Variants in TRABD2B observed in about 807,000 individuals in gnomAD.
The protein encoded by TRABD2B is metalloprotease TIKI2.
A neutral mutation model predicts 40.1 loss-of-function variants in TRABD2B; 14 were observed. That is an observed-to-expected ratio of 0.35 (90% CI 0.23 to 0.55). The LOEUF is 0.55. Ranked by LOEUF, TRABD2B falls within the 20% of genes least tolerant of loss-of-function variation. The pLI is 0.90. For missense variants in TRABD2B, 541 were observed against 648.6 expected (o/e 0.83, Z 1.80); for synonymous variants, 263 against 277.0 (o/e 0.95, Z 0.50).
chr1:47,966,626 C>T (rs1454682119), intron 2 of TRABD2B, among the ~76,000 whole-genome samples: 1 of 152,104 alleles, frequency 6.6e-6, no homozygotes, highest in African/African-American at 2.4e-5. Context: ...TCAGGTTGGC[C>T]TGGTGCAGTG....
chr1:47,849,899 C>G (rs770892356), intron 2 of TRABD2B, among the ~76,000 whole-genome samples: 2 of 152,194 alleles, frequency 1.3e-5, no homozygotes, highest in South Asian at 4.1e-4. Flanking sequence ...CCTGATGGGA[C>G]ATTTGGCTTA....
chr1:47,788,567 T>C (rs536087502), intron 4 of TRABD2B, among the ~76,000 whole-genome samples: 7 of 152,094 alleles, frequency 4.6e-5, no homozygotes, highest in Non-Finnish European at 7.3e-5. Flanking sequence ...CTGCGAAGAG[T>C]GATTTCCATT....
chr1:47,951,152 C>T (rs1216844583), intron 2 of TRABD2B, among the ~76,000 whole-genome samples: 1 of 152,202 alleles, frequency 6.6e-6, no homozygotes, highest in Non-Finnish European at 1.5e-5. Flanking sequence ...TCCCCAGCGC[C>T]AAGCCAAGCG....
chr1:47,997,250 A>AAGGCGCGGC lies in TRABD2B; in HGVS notation c.-470_-462dup. On this transcript the variant is annotated 5_prime_UTR_variant, in exon 1 of 7. Coordinates refer to ENST00000606738, the MANE Select transcript of TRABD2B (RefSeq NM_001194986.2). ...GCGCGCAGTGGGACAAGTGCGGCGG[A>AAGGCGCGGC]AGGCGCGGCAGGGGTGGGGGGCGGC... is the stretch of plus-strand genomic sequence containing the variant. 1.0e-6 allele frequency: 1 copy of AAGGCGCGGC among 980,150 alleles called. No homozygotes were observed. 60.7% of individuals were successfully genotyped at this position (980,150 alleles called of 1,614,324 possible). A position where few individuals can be genotyped will look rare whatever the true frequency, so the allele number is the denominator to read the frequency against.
chr1:47,997,161 TC>T lies in TRABD2B; in HGVS notation c.-373del. On this transcript the variant is annotated 5_prime_UTR_variant, in exon 1 of 7. Coordinates refer to ENST00000606738, the MANE Select transcript of TRABD2B (RefSeq NM_001194986.2). Reference sequence around the variant, plus strand: ...ACCGAGAACCCGGGGTGCGCAAGGGTCCCGGGGTTATGCTGGGCACCCGGGG... The same window carrying T: ...ACCGAGAACCCGGGGTGCGCAAGGGTCCGGGGTTATGCTGGGCACCCGGGG... The T allele has an allele frequency of 5.1e-6, 5 of 980,504 alleles. No homozygotes were observed. In the South Asian group the frequency reaches 1.9e-4, roughly 37 times the overall value. 60.7% of individuals were successfully genotyped at this position (980,504 alleles called of 1,614,324 possible).
intron 4 of TRABD2B, among the ~76,000 whole-genome samples, chr1:47,785,641 G>A (rs186351490): frequency 6.6e-6 from 1 of 152,338 alleles, no homozygotes; most frequent in East Asian, 1.9e-4. Context: ...CATGGCACGG[G>A]GTGCATCCAT....
intron 2 of TRABD2B, among the ~76,000 whole-genome samples, chr1:47,965,438 G>A (rs539452951): frequency 1.3e-4 from 20 of 151,382 alleles, no homozygotes; most frequent in Non-Finnish European, 2.5e-4. Flanking sequence ...GTGCACTCCT[G>A]TGGATGAAGC....
At chr1:47,825,180 G>T (rs964177200) in intron 2 of TRABD2B, among the ~76,000 whole-genome samples, 2 of 152,124 alleles carry the variant, frequency 1.3e-5, no homozygotes, top group African/African-American at 2.4e-5. Flanking sequence ...TCCAAATCTG[G>T]GGTCTCAATA....
intron 2 of TRABD2B, among the ~76,000 whole-genome samples, chr1:47,829,554 C>T (rs1163614542): frequency 6.6e-6 from 1 of 152,110 alleles, no homozygotes; most frequent in Admixed American, 6.5e-5. Context: ...CATCACCACT[C>T]CCTGCCAGAT....
intron 4 of TRABD2B, among the ~76,000 whole-genome samples, chr1:47,780,547 G>A (rs1051669051): frequency 6.6e-6 from 1 of 152,144 alleles, no homozygotes; most frequent in Non-Finnish European, 1.5e-5. Context: ...AAGTATGATG[G>A]AGAGGGAACT....
chr1:47,802,444 A>T (rs1242497984), intron 2 of TRABD2B, among the ~76,000 whole-genome samples: 1 of 152,184 alleles, frequency 6.6e-6, no homozygotes, highest in African/African-American at 2.4e-5. Flanking sequence ...GACCTGCTCA[A>T]TTCACATAGC....
intron 2 of TRABD2B, among the ~76,000 whole-genome samples, chr1:47,914,893 G>C (rs1205530919): frequency 2.0e-5 from 3 of 152,234 alleles, no homozygotes; most frequent in Non-Finnish European, 2.9e-5. Context: ...GGATGAACCA[G>C]ATAGACACAG....
At chr1:47,803,617 G>C (rs1030745938) in intron 2 of TRABD2B, among the ~76,000 whole-genome samples, 1 of 152,212 alleles carries the variant, frequency 6.6e-6, no homozygotes, top group African/African-American at 2.4e-5. Context: ...ACACAGCATA[G>C]TTGTGGTGAT....
At chr1:47,946,261 G>A (rs75387344) in intron 2 of TRABD2B, among the ~76,000 whole-genome samples, 3,559 of 152,142 alleles carry the variant, frequency 0.023, 156 homozygotes, top group African/African-American at 0.081. Flanking sequence ...TTAGTTTTGA[G>A]CATTCTTTAT....
At chr1:47,775,477 G>A in intron 5 of TRABD2B, 38 bp from the exon 6 acceptor site, 2 of 1,233,668 alleles carry the variant, frequency 1.6e-6, no homozygotes. Context: ...ACATGTGTTG[G>A]AGAATGTCAT....
intron 4 of TRABD2B, among the ~76,000 whole-genome samples, chr1:47,793,989 G>C (rs1644710776): frequency 6.6e-6 from 1 of 152,182 alleles, no homozygotes; most frequent in South Asian, 2.1e-4. Flanking sequence ...GATCATTGCA[G>C]CTGCCTTTTT....
chr1:47,975,847 G>A (rs1405883726), intron 2 of TRABD2B, among the ~76,000 whole-genome samples: 1 of 152,144 alleles, frequency 6.6e-6, no homozygotes, highest in Non-Finnish European at 1.5e-5. Context: ...CTGCAGGAAG[G>A]GCCAGGCTGG....
chr1:47,879,694 C>T (rs1322047442), intron 2 of TRABD2B, among the ~76,000 whole-genome samples: 1 of 152,202 alleles, frequency 6.6e-6, no homozygotes, highest in Non-Finnish European at 1.5e-5. Flanking sequence ...AATAAATTTA[C>T]ATTGAACAAC....
intron 2 of TRABD2B, among the ~76,000 whole-genome samples, chr1:47,888,299 T>G (rs1644397849): frequency 6.6e-6 from 1 of 152,202 alleles, no homozygotes; most frequent in Non-Finnish European, 1.5e-5. Context: ...CCCGTGGAAT[T>G]CCCTCTGATG....
Sources: gnomAD v4.1 joint callset for allele counts (sites outside exome capture counted in the v4.1 genomes callset) on GRCh38, gnomAD v4.1.1 for gene constraint, MANE v1.5 for transcripts, NCBI Gene and HGNC (gene_info 2026-07-23, HGNC 2026-07-21) for gene names.